FRYL: variants seen among roughly 807,000 people sequenced by gnomAD.
The protein encoded by FRYL is FRY like transcription coactivator, also known as protein furry homolog-like.
FRYL carries 150 observed loss-of-function variants against 351.2 expected under a neutral mutation model. That is an observed-to-expected ratio of 0.43 (90% CI 0.37 to 0.49). The LOEUF is 0.49. Ranked by LOEUF, FRYL falls within the 20% of genes least tolerant of loss-of-function variation. The pLI, the probability that FRYL is intolerant of heterozygous loss-of-function variation, is 0.00. For missense variants in FRYL, 3,036 were observed against 3,619.3 expected (o/e 0.84, Z 4.13); for synonymous variants, 1,153 against 1,257.1 (o/e 0.92, Z 1.75).
At chr4:48,697,061 TGAA>T (rs907153912) in intron 2 of FRYL, among the ~76,000 whole-genome samples, 87 of 152,102 alleles carry the variant, frequency 5.7e-4, no homozygotes, top group South Asian at 6.2e-4. Context: ...ATGGTGTAAC[TGAA>T]GAAGAAGAAT....
At chr4:48,666,456 A>C (rs1335536045) in intron 3 of FRYL, among the ~76,000 whole-genome samples, 1 of 152,128 alleles carries the variant, frequency 6.6e-6, no homozygotes, top group Non-Finnish European at 1.5e-5. Flanking sequence ...AGATGAAAAG[A>C]TCATCCAGTA....
rs1017480335 is a variant in FRYL at position 48,581,272 on chromosome 4, C to T, written c.2172+148G>A. ...CAGGATGGTCTCGATCTCCTGATCT[C>T]GTGATCCGCCCGACTCGGCCTCCCA... On this transcript the variant is annotated intron_variant, in intron 21 of 63. Coordinates refer to ENST00000358350, the MANE Select transcript of FRYL (RefSeq NM_015030.2). 2.8e-5 allele frequency: 17 copies of T among 613,634 alleles called. No homozygotes were observed. The East Asian group carries it at 3.5e-4, about 13-fold the overall frequency. The allele number at this position is 613,634 out of a possible 1,614,324, so 38.0% of individuals were successfully genotyped here.
intron 1 of FRYL, among the ~76,000 whole-genome samples, chr4:48,760,508 C>T (rs1774289426): frequency 6.6e-6 from 1 of 152,018 alleles, no homozygotes; most frequent in Non-Finnish European, 1.5e-5. Flanking sequence ...TCTTCTTTTC[C>T]AATTCACATG....
chr4:48,654,375 G>C (rs181983259), intron 3 of FRYL, among the ~76,000 whole-genome samples: 1 of 151,240 alleles, frequency 6.6e-6, no homozygotes, highest in African/African-American at 2.4e-5. Flanking sequence ...GTTTCCTCTA[G>C]GTTATTTTAG....
At chr4:48,594,107 G>A (rs1235153833) in intron 15 of FRYL, 91 bp from the exon 16 acceptor site, 7 of 690,366 alleles carry the variant, frequency 1.0e-5, no homozygotes, top group Non-Finnish European at 1.6e-5. Flanking sequence ...CAACAAGACA[G>A]GTTTGTGCCC....
intron 1 of FRYL, among the ~76,000 whole-genome samples, chr4:48,717,188 G>C (rs183294981): frequency 0.019 from 2,785 of 150,308 alleles, 111 homozygotes; most frequent in African/African-American, 0.064. Flanking sequence ...CGAGTTAGTG[G>C]GTGCAGTGCA....
chr4:48,755,265 G>A (rs1773654195), intron 1 of FRYL, among the ~76,000 whole-genome samples: 1 of 152,018 alleles, frequency 6.6e-6, no homozygotes, highest in African/African-American at 2.4e-5. Flanking sequence ...ATTAGCCATG[G>A]CCCACTATTT....
intron 1 of FRYL, among the ~76,000 whole-genome samples, chr4:48,775,310 T>C (rs1775899719): frequency 6.6e-6 from 1 of 152,264 alleles, no homozygotes; most frequent in Non-Finnish European, 1.5e-5. Context: ...TGCACTGGTC[T>C]ATTTAAGGTT....
At chr4:48,510,276 A>G in intron 58 of FRYL, 119 bp from the exon 59 acceptor site, 1 of 723,482 alleles carries the variant, frequency 1.4e-6, no homozygotes, top group South Asian at 1.6e-5. Flanking sequence ...ATATTCTCTT[A>G]ACTCTACTCT....
intron 25 of FRYL, among the ~76,000 whole-genome samples, chr4:48,573,694 C>A (rs1035169987): frequency 1.3e-5 from 2 of 152,022 alleles, no homozygotes; most frequent in African/African-American, 4.8e-5. Flanking sequence ...GGATTACAGG[C>A]ATGCACCACT....
intron 5 of FRYL, among the ~76,000 whole-genome samples, chr4:48,622,581 T>C (rs923404198): frequency 2.6e-5 from 4 of 152,294 alleles, no homozygotes; most frequent in South Asian, 2.1e-4. Context: ...TTCTGAGATA[T>C]ATAATTTTGG....
intron 57 of FRYL, among the ~76,000 whole-genome samples, 182 bp downstream of exon 57, chr4:48,512,299 T>C (rs1369768728): frequency 6.6e-6 from 1 of 152,190 alleles, no homozygotes; most frequent in African/African-American, 2.4e-5. Flanking sequence ...CCAGTCATTG[T>C]GTAATGTACC....
chr4:48,713,038 C>G (rs1254236905), intron 1 of FRYL, among the ~76,000 whole-genome samples: 3 of 151,950 alleles, frequency 2.0e-5, no homozygotes, highest in Non-Finnish European at 4.4e-5. Flanking sequence ...CTGAGAGATT[C>G]TGTCACCACC....
At chr4:48,696,802 A>G (rs1378012675) in intron 2 of FRYL, among the ~76,000 whole-genome samples, 1 of 151,746 alleles carries the variant, frequency 6.6e-6, no homozygotes, top group Non-Finnish European at 1.5e-5. Flanking sequence ...AAAATAAGAA[A>G]AAAAAAACAT....
At chr4:48,581,394 A>T (rs1161386969) in intron 21 of FRYL, 26 bp downstream of exon 21, 2 of 1,579,156 alleles carry the variant, frequency 1.3e-6, no homozygotes, top group African/African-American at 1.4e-5. Flanking sequence ...TTCAATAGAT[A>T]ACTGAATGAA....
chr4:48,556,130 G>A (rs1734073669), intron 35 of FRYL, among the ~76,000 whole-genome samples: 1 of 152,150 alleles, frequency 6.6e-6, no homozygotes, highest in African/African-American at 2.4e-5. Flanking sequence ...CCTGACCTCA[G>A]GTGATCCGCC....
At chr4:48,690,964 T>A (rs1765626528) in intron 2 of FRYL, among the ~76,000 whole-genome samples, 1 of 152,214 alleles carries the variant, frequency 6.6e-6, no homozygotes, top group Non-Finnish European at 1.5e-5. Context: ...TACAATTTAA[T>A]CTCCAAAGTT....
At chr4:48,526,445 T>C (rs1249809909) in intron 53 of FRYL, among the ~76,000 whole-genome samples, 2 of 152,168 alleles carry the variant, frequency 1.3e-5, no homozygotes, top group Non-Finnish European at 2.9e-5. Flanking sequence ...TTTCAGAAAG[T>C]AGCATGTGTC....
At chr4:48,547,379 G>A (rs1043068417) in intron 41 of FRYL, 4 of 372,046 alleles carry the variant, frequency 1.1e-5, no homozygotes, top group African/African-American at 2.1e-5. Context: ...GATAAAGATC[G>A]TTCGAGGTAA....
Sources: allele counts gnomAD v4.1 joint callset (sites outside exome capture counted in the v4.1 genomes callset), GRCh38; gene constraint gnomAD v4.1.1; transcripts MANE v1.5; gene names NCBI Gene and HGNC (gene_info 2026-07-23, HGNC 2026-07-21).